Variants in DCC observed in about 807,000 individuals in gnomAD.
The protein encoded by DCC is netrin receptor DCC.
In DCC, 58 loss-of-function variants were observed where a neutral mutation model predicts 172.5. That is an observed-to-expected ratio of 0.34 (90% CI 0.27 to 0.42). The LOEUF (loss-of-function observed/expected upper bound fraction) is 0.42, where lower values mean the gene tolerates loss of function less well. Among genes scored for constraint, DCC ranks in the 10% least tolerant of loss-of-function variants. The pLI is 1.00. For synonymous variants in DCC, 709 were observed against 644.5 expected, an observed-to-expected ratio of 1.10 and a Z score of -1.52; for missense variants, 1,740 against 1,791.0, an observed-to-expected ratio of 0.97 and a Z score of 0.51.
At chr18:52,904,399 G>A (rs547218195) in intron 2 of DCC, among the ~76,000 whole-genome samples, 16 of 152,244 alleles carry the variant, frequency 1.1e-4, no homozygotes, top group Admixed American at 2.0e-4. Context: ...TAAAAGAGAC[G>A]TAAAATTTCA....
intron 22 of DCC, among the ~76,000 whole-genome samples, chr18:53,438,589 A>G (rs1912088780): frequency 6.6e-6 from 1 of 152,246 alleles, no homozygotes. Context: ...TGTATTTTTA[A>G]TTGTGAAATC....
intron 22 of DCC, among the ~76,000 whole-genome samples, chr18:53,439,318 G>C (rs1912126751): frequency 6.6e-6 from 1 of 152,168 alleles, no homozygotes; most frequent in African/African-American, 2.4e-5. Flanking sequence ...GTGCAAGTGA[G>C]GCCCCTGAGT....
In DCC at chr18:52,738,483, C is replaced by A. The variant is rs116558554; in HGVS notation, c.92-13571C>A. Among the ~76,000 whole-genome samples the A allele has an allele frequency of 3.8e-3, 584 of 152,112 alleles. 5 individuals are homozygous for A. The highest frequency in any genetic ancestry group is 0.013 in the African/African-American group (557 of 41,514). On this transcript the variant is annotated intron_variant, in intron 1 of 28. Transcript: ENST00000442544. ...AGAAAAGCCACGTAAATATTTTGTA[C>A]AAGAGATTAAAAATGATGGACTTAT... is the stretch of plus-strand genomic sequence containing the variant.
intron 1 of DCC, among the ~76,000 whole-genome samples, chr18:52,522,667 C>T (rs1323923329): frequency 6.6e-6 from 1 of 152,168 alleles, no homozygotes; most frequent in East Asian, 1.9e-4. Flanking sequence ...CCCTTCAAAA[C>T]ACAGTCTATT....
intron 1 of DCC, among the ~76,000 whole-genome samples, chr18:52,580,873 A>G (rs1185888253): frequency 2.6e-5 from 4 of 152,220 alleles, no homozygotes; most frequent in African/African-American, 9.6e-5. Context: ...TGGTATTCAC[A>G]CTAGAACCAG....
intron 2 of DCC, among the ~76,000 whole-genome samples, chr18:52,843,150 G>C (rs1560521): frequency 0.87 from 132,486 of 152,164 alleles, 58,693 homozygotes; most frequent in Middle Eastern, 0.96. Flanking sequence ...GCAAGAACTT[G>C]TATCTTTTTT....
At chr18:52,710,040 AT>A (rs2036269753) in intron 1 of DCC, among the ~76,000 whole-genome samples, 1 of 152,178 alleles carries the variant, frequency 6.6e-6, no homozygotes, top group Admixed American at 6.5e-5. Flanking sequence ...CAATTTGGCA[AT>A]TTTTTAAAGG....
chr18:52,910,093 T>C (rs138339207), intron 3 of DCC, among the ~76,000 whole-genome samples: 11 of 152,234 alleles, frequency 7.2e-5, no homozygotes, highest in Non-Finnish European at 1.6e-4. Flanking sequence ...TGAGGTGGAA[T>C]GCTACAGCGC....
intron 1 of DCC, among the ~76,000 whole-genome samples, chr18:52,397,052 C>T (rs1033305390): frequency 3.3e-5 from 5 of 151,974 alleles, no homozygotes; most frequent in Non-Finnish European, 1.5e-5. Context: ...CTGCATTTTG[C>T]TAATTGCGGC....
intron 27 of DCC, among the ~76,000 whole-genome samples, chr18:53,522,890 G>C (rs1001521827): frequency 6.6e-6 from 1 of 152,144 alleles, no homozygotes; most frequent in Non-Finnish European, 1.5e-5. Flanking sequence ...AAAAGCAATG[G>C]CAATGAAAGC....
intron 12 of DCC, among the ~76,000 whole-genome samples, chr18:53,272,752 C>G (rs985524074): frequency 6.6e-6 from 1 of 152,124 alleles, no homozygotes; most frequent in South Asian, 2.1e-4. Context: ...GCACCTCTCA[C>G]TGGATTGAGG....
chr18:52,625,691 T>A (rs1476988164), intron 1 of DCC, among the ~76,000 whole-genome samples: 1 of 152,168 alleles, frequency 6.6e-6, no homozygotes, highest in Non-Finnish European at 1.5e-5. Context: ...CAGCAAAGCA[T>A]CTTGAAAGAG....
intron 5 of DCC, among the ~76,000 whole-genome samples, chr18:52,989,273 A>T (rs1194486938): frequency 2.6e-5 from 4 of 152,192 alleles, no homozygotes; most frequent in African/African-American, 9.6e-5. Context: ...CTGTAATCCC[A>T]GCACTTTGGG....
chr18:52,849,232 C>T (rs938363317), intron 2 of DCC, among the ~76,000 whole-genome samples: 9 of 152,158 alleles, frequency 5.9e-5, no homozygotes, highest in African/African-American at 2.2e-4. Context: ...CTTTATTCTA[C>T]ATAGTATCCT....
chr18:52,656,002 GTATATATATATGTGTGTATATA>G (rs1568277575), intron 1 of DCC, among the ~76,000 whole-genome samples: 1 of 131,078 alleles, frequency 7.6e-6, no homozygotes, highest in Non-Finnish European at 1.6e-5. Context: ...ATATATGTGC[GTATATATATATGTGTGTATATA>G]TATGTATATA....
intron 1 of DCC, among the ~76,000 whole-genome samples, chr18:52,449,344 G>A (rs762957591): frequency 5.3e-5 from 8 of 151,596 alleles, no homozygotes; most frequent in East Asian, 1.9e-4. Context: ...TCTCCCTTGC[G>A]GGGGAAAAAT....
chr18:53,425,536 A>G (rs139861774), intron 21 of DCC, among the ~76,000 whole-genome samples: 359 of 151,536 alleles, frequency 2.4e-3, no homozygotes, highest in African/African-American at 8.2e-3. Flanking sequence ...TAAATCTTGT[A>G]TTTTTAGTAG....
At chr18:52,914,108 A>G (rs763975872) in intron 3 of DCC, among the ~76,000 whole-genome samples, 8 of 152,192 alleles carry the variant, frequency 5.3e-5, no homozygotes, top group Middle Eastern at 3.4e-3. Context: ...GCATGTATCT[A>G]TACATCATGA....
intron 12 of DCC, among the ~76,000 whole-genome samples, chr18:53,222,652 C>T (rs2055960199): frequency 6.7e-6 from 1 of 148,714 alleles, no homozygotes; most frequent in Non-Finnish European, 1.5e-5. Context: ...TCCCAAAATG[C>T]TAAGATTACA....
Sources: gnomAD v4.1 joint callset for allele counts (sites outside exome capture counted in the v4.1 genomes callset) on GRCh38, gnomAD v4.1.1 for gene constraint, MANE v1.5 for transcripts, NCBI Gene and HGNC (gene_info 2026-07-23, HGNC 2026-07-21) for gene names.